Variants in COL4A6 observed in about 807,000 individuals in gnomAD.
COL4A6 encodes the protein collagen alpha-6(IV) chain.
In COL4A6, 59 loss-of-function variants were observed where a neutral mutation model predicts 126.7. The ratio of observed to expected loss-of-function variants is 0.47; its 90% CI spans 0.38 to 0.58. COL4A6 has a LOEUF of 0.58. COL4A6 is among the 20% of genes least tolerant of loss of function. The pLI, the probability that COL4A6 is intolerant of heterozygous loss-of-function variation, is 0.00. For missense variants in COL4A6, 1,285 were observed against 1,337.3 expected (o/e 0.96, Z 0.61); for synonymous variants, 547 against 496.6 (o/e 1.10, Z -1.35).
At chrX:108,302,585 G>T (rs1209271390) in intron 3 of COL4A6, among the ~76,000 whole-genome samples, 1 of 111,108 alleles carries the variant, frequency 9.0e-6, no homozygotes, top group African/African-American at 3.3e-5. Context: ...TGTCCATTTT[G>T]TGAGGGTTAA....
intron 2 of COL4A6, among the ~76,000 whole-genome samples, chrX:108,368,839 C>T (rs1387601311): frequency 9.0e-6 from 1 of 111,340 alleles, no homozygotes; most frequent in African/African-American, 3.3e-5. Flanking sequence ...ACATCACTTT[C>T]TTCCACCTCC....
At chrX:108,255,133 C>T (rs145588019) in intron 3 of COL4A6, among the ~76,000 whole-genome samples, 464 of 99,398 alleles carry the variant, frequency 4.7e-3, no homozygotes, top group African/African-American at 0.017. Context: ...TACAAAGAAC[C>T]CCCAGTATTA....
chrX:108,288,575 A>C (rs1262465401), intron 3 of COL4A6, among the ~76,000 whole-genome samples: 1 of 111,411 alleles, frequency 9.0e-6, no homozygotes, highest in African/African-American at 3.3e-5. Flanking sequence ...CCTTATTTAG[A>C]TAAGGTCCCT....
intron 2 of COL4A6, among the ~76,000 whole-genome samples, chrX:108,324,834 C>T (rs1307571877): frequency 1.8e-5 from 2 of 111,372 alleles, no homozygotes; most frequent in Non-Finnish European, 3.8e-5. Flanking sequence ...TCCCTCATGA[C>T]TAGGGGGAAA....
intron 3 of COL4A6, among the ~76,000 whole-genome samples, chrX:108,235,924 G>T (rs1185528242): frequency 9.1e-6 from 1 of 110,470 alleles, no homozygotes; most frequent in Admixed American, 9.6e-5. Context: ...AGGTGAAAAG[G>T]AGTTGGCCAG....
intron 23 of COL4A6, among the ~76,000 whole-genome samples, chrX:108,185,391 GA>G (rs201862310): frequency 4.4e-4 from 37 of 83,340 alleles, no homozygotes; most frequent in Middle Eastern, 6.3e-3. Context: ...CTTCATTTCA[GA>G]AAAAAAAAAA....
chrX:108,289,046 T>C (rs1360628606), intron 3 of COL4A6, among the ~76,000 whole-genome samples: 2 of 110,981 alleles, frequency 1.8e-5, no homozygotes, highest in Non-Finnish European at 3.8e-5. Context: ...AGAATAAAAG[T>C]GGGGGTCTGG....
chrX:108,280,240 C>A (rs2037763623), intron 3 of COL4A6, among the ~76,000 whole-genome samples: 2 of 111,269 alleles, frequency 1.8e-5, no homozygotes, highest in East Asian at 2.8e-4. Flanking sequence ...AATTGATAGA[C>A]CGCTAGCAAG....
At chrX:108,355,991 G>A (rs2039950767) in intron 2 of COL4A6, among the ~76,000 whole-genome samples, 3 of 110,818 alleles carry the variant, frequency 2.7e-5, no homozygotes, top group African/African-American at 9.9e-5. Flanking sequence ...GCTAGTAAAT[G>A]TCAGGTCAAG....
At chrX:108,333,714 T>A (rs932839712) in intron 2 of COL4A6, among the ~76,000 whole-genome samples, 6 of 111,846 alleles carry the variant, frequency 5.4e-5, no homozygotes, top group Admixed American at 3.8e-4. Flanking sequence ...TTGCAAAATA[T>A]AAAATCAATG....
chrX:108,358,028 T>C lies in COL4A6; in HGVS notation c.64-47200A>G, dbSNP rs569044511. Among the ~76,000 whole-genome samples the C allele has an allele frequency of 7.2e-5, 8 of 111,769 alleles. 1 individual carries two copies. The South Asian group carries it at 2.6e-3, about 37-fold the overall frequency. On this transcript the variant is annotated intron_variant, in intron 2 of 44. Transcript: ENST00000334504. Reference sequence around the variant, plus strand: ...GAAAGCAGATTCAAGGTTATTCTTGTATAATATCATTAGCCCTCAGGCTTC... The same window carrying C: ...GAAAGCAGATTCAAGGTTATTCTTGCATAATATCATTAGCCCTCAGGCTTC...
At chrX:108,245,749 T>C (rs1288420732) in intron 3 of COL4A6, among the ~76,000 whole-genome samples, 2 of 111,704 alleles carry the variant, frequency 1.8e-5, no homozygotes, top group Non-Finnish European at 3.8e-5. Context: ...GGATCCAGTG[T>C]AGGTCCCAGT....
intron 3 of COL4A6, among the ~76,000 whole-genome samples, chrX:108,244,344 G>C (rs1314373944): frequency 2.7e-5 from 3 of 111,625 alleles, no homozygotes; most frequent in Non-Finnish European, 5.7e-5. Flanking sequence ...AAAACCCATA[G>C]TCTTTTTTTG....
chrX:108,169,956 TG>T lies in COL4A6; in HGVS notation c.3553del (p.His1185MetfsTer39), dbSNP rs2034252853. On this transcript the variant is annotated frameshift_variant, in exon 36 of 45. Coordinates refer to ENST00000334504, the MANE Select transcript of COL4A6 (RefSeq NM_033641.4). LOFTEE classifies it high-confidence loss of function. ...AGGGTCTTCCTAACCTGGAGTGCCA[TG>T]GGTACCCTTGGTGCCCGGAAGCCCA... ...LNGLPGTKGT[H>X]GTPGPSITGV... is the part of the protein sequence containing the mutation. 8.4e-7 allele frequency: 1 copy of T among 1,186,837 alleles called. No homozygotes were observed. The highest frequency in any genetic ancestry group is 1.1e-6 in the Non-Finnish European group (1 of 881,090).
At chrX:108,387,682 CTT>C (rs2040734219) in intron 2 of COL4A6, among the ~76,000 whole-genome samples, 1 of 111,915 alleles carries the variant, frequency 8.9e-6, no homozygotes, top group Non-Finnish European at 1.9e-5. Context: ...TTGACTTCCT[CTT>C]TTCCTAATTG....
intron 3 of COL4A6, among the ~76,000 whole-genome samples, chrX:108,283,950 A>G (rs1324791985): frequency 9.0e-6 from 1 of 111,651 alleles, no homozygotes; most frequent in Non-Finnish European, 1.9e-5. Context: ...AGAGGACAAC[A>G]TCTGAAGAAG....
intron 2 of COL4A6, among the ~76,000 whole-genome samples, chrX:108,384,800 G>A (rs780620968): frequency 5.1e-4 from 57 of 112,068 alleles, no homozygotes; most frequent in African/African-American, 1.7e-3. Flanking sequence ...CAAATAACTT[G>A]TCTAAGGTCA....
chrX:108,188,772 T>C lies in COL4A6; in HGVS notation c.1427-95A>G, dbSNP rs73535891. ...GTTATTTGTGACTTGAACAACTCCA[T>C]AGAGGGAATCTGAAGGCTTGCAGAG... On this transcript the variant is annotated intron_variant, in intron 20 of 44. Transcript: ENST00000334504. The C allele has an allele frequency of 1.1e-3, 922 of 865,088 alleles. 7 individuals carry two copies. In the African/African-American group the frequency reaches 0.017, roughly 16 times the overall value. The allele number at this position is 865,088 out of a possible 1,213,427, so 71.3% of individuals were successfully genotyped here. A position where few individuals can be genotyped will look rare whatever the true frequency, so the allele number is the denominator to read the frequency against.
chrX:108,326,395 A>G (rs914602605), intron 2 of COL4A6, among the ~76,000 whole-genome samples: 1 of 109,696 alleles, frequency 9.1e-6, no homozygotes, highest in African/African-American at 3.5e-5. Context: ...GGCTTAAATA[A>G]ATGGAAAGAT....
Sources: gnomAD v4.1 joint callset for allele counts (sites outside exome capture counted in the v4.1 genomes callset) on GRCh38, gnomAD v4.1.1 for gene constraint, MANE v1.5 for transcripts, NCBI Gene and HGNC (gene_info 2026-07-23, HGNC 2026-07-21) for gene names.